Variants in TCF12 observed in about 807,000 individuals in gnomAD.
The protein encoded by TCF12 is transcription factor 12.
A neutral mutation model predicts 86.0 loss-of-function variants in TCF12; 45 were observed. The observed-to-expected ratio is 0.52, with a 90% CI of 0.41 to 0.67. TCF12 has a LOEUF of 0.67. TCF12 is among the 30% of genes least tolerant of loss of function. TCF12 has a pLI of 0.00. For missense variants in TCF12, 881 were observed against 859.9 expected (o/e 1.02, Z -0.31); for synonymous variants, 330 against 299.6 (o/e 1.10, Z -1.05).
At chr15:57,092,332 T>C (rs1442783241) in intron 5 of TCF12, among the ~76,000 whole-genome samples, 1 of 152,212 alleles carries the variant, frequency 6.6e-6, no homozygotes, top group Non-Finnish European at 1.5e-5. Context: ...GATTAAAACA[T>C]AGTATATTTA....
At chr15:57,216,600 G>A (rs1333364671) in intron 8 of TCF12, among the ~76,000 whole-genome samples, 1 of 148,016 alleles carries the variant, frequency 6.8e-6, no homozygotes, top group Non-Finnish European at 1.5e-5. Flanking sequence ...TTAAACAACT[G>A]CATTTACTAA....
chr15:56,965,470 T>A (rs1167792257), intron 3 of TCF12, among the ~76,000 whole-genome samples: 1 of 152,220 alleles, frequency 6.6e-6, no homozygotes, highest in African/African-American at 2.4e-5. Flanking sequence ...GATTTTTCTT[T>A]CCACAATCTG....
intron 3 of TCF12, among the ~76,000 whole-genome samples, chr15:56,940,725 C>T (rs1212066972): frequency 8.9e-6 from 1 of 112,038 alleles, no homozygotes; most frequent in Non-Finnish European, 1.8e-5. Context: ...TTCCTATCCC[C>T]TTCTCTCCCC....
chr15:57,212,434 C>T (rs1390154039), intron 8 of TCF12, among the ~76,000 whole-genome samples: 1 of 152,022 alleles, frequency 6.6e-6, no homozygotes, highest in Admixed American at 6.6e-5. Context: ...CAGGTGCACA[C>T]CACCCAGTGA....
At chr15:57,004,609 T>C (rs1432665170) in intron 3 of TCF12, among the ~76,000 whole-genome samples, 1 of 152,020 alleles carries the variant, frequency 6.6e-6, no homozygotes, top group Non-Finnish European at 1.5e-5. Context: ...CGGGGTTTCA[T>C]TGTGTTAGCC....
At chr15:56,961,249 T>A (rs757809795) in intron 3 of TCF12, among the ~76,000 whole-genome samples, 8 of 152,200 alleles carry the variant, frequency 5.3e-5, no homozygotes, top group Non-Finnish European at 1.0e-4. Context: ...GCTCCATACA[T>A]CTGATAGATG....
At position 57,273,781 on chromosome 15, in the gene TCF12, C is replaced by T. The variant is rs1323087275; in HGVS notation, c.1978+519C>T. ...CAGGGCTTCTTTGTTGACCCCAGAC[C>T]AGGAACACCAAGAACTTTTTGGGCT... is the stretch of plus-strand genomic sequence containing the variant. On this transcript the variant is annotated intron_variant, in intron 19 of 20. Coordinates refer to ENST00000333725, the MANE Select transcript of TCF12 (RefSeq NM_207037.2). Among the ~76,000 whole-genome samples, 3 of 152,114 alleles carry T rather than the reference C, an allele frequency of 2.0e-5. No homozygotes were observed. The East Asian group carries it at 5.8e-4, about 29-fold the overall frequency.
intron 5 of TCF12, among the ~76,000 whole-genome samples, chr15:57,102,785 G>T (rs2049851001): frequency 6.6e-6 from 1 of 152,040 alleles, no homozygotes; most frequent in African/African-American, 2.4e-5. Context: ...TTGTTTTTCT[G>T]TTGTTTTGTT....
chr15:56,984,361 A>G (rs1368376198), intron 3 of TCF12, among the ~76,000 whole-genome samples: 1 of 150,082 alleles, frequency 6.7e-6, no homozygotes, highest in East Asian at 2.0e-4. Flanking sequence ...GCCTGTTAGC[A>G]TTGTTTCATC....
chr15:57,074,786 A>G (rs1177906392), intron 4 of TCF12, among the ~76,000 whole-genome samples: 1 of 152,220 alleles, frequency 6.6e-6, no homozygotes, highest in Non-Finnish European at 1.5e-5. Context: ...TATTCTTATA[A>G]CAGATTGCAG....
At chr15:57,154,897 A>C (rs1203808109) in intron 5 of TCF12, among the ~76,000 whole-genome samples, 1 of 152,198 alleles carries the variant, frequency 6.6e-6, no homozygotes, top group Non-Finnish European at 1.5e-5. Flanking sequence ...TGTATTTTCT[A>C]GTCAGTACAT....
At chr15:57,270,786 TTCTG>T (rs1373598574) in intron 18 of TCF12, among the ~76,000 whole-genome samples, 14 of 152,204 alleles carry the variant, frequency 9.2e-5, no homozygotes, top group African/African-American at 1.4e-4. Flanking sequence ...TGCTATTCCT[TTCTG>T]TCTGTTAGTT....
At chr15:57,073,874 G>A (rs991853133) in intron 4 of TCF12, among the ~76,000 whole-genome samples, 25 of 151,962 alleles carry the variant, frequency 1.6e-4, no homozygotes, top group African/African-American at 2.4e-4. Context: ...TCAGCCTCCC[G>A]AGTAGCTGGG....
intron 12 of TCF12, among the ~76,000 whole-genome samples, chr15:57,237,743 T>C (rs1485890694): frequency 6.6e-6 from 1 of 152,224 alleles, no homozygotes; most frequent in Non-Finnish European, 1.5e-5. Context: ...AAGAAACATA[T>C]TCCTGATTTA....
chr15:56,981,032 C>T (rs773379342), intron 3 of TCF12, among the ~76,000 whole-genome samples: 19 of 152,158 alleles, frequency 1.2e-4, no homozygotes, highest in Non-Finnish European at 2.2e-4. Context: ...CATATTTCTG[C>T]ATTTTCAATA....
intron 3 of TCF12, among the ~76,000 whole-genome samples, chr15:56,993,327 A>G (rs1322630033): frequency 4.6e-5 from 7 of 152,198 alleles, no homozygotes; most frequent in African/African-American, 7.2e-5. Flanking sequence ...GCAGGAGCCC[A>G]TGGTCAAAAC....
intron 3 of TCF12, among the ~76,000 whole-genome samples, chr15:56,926,694 T>C (rs1023789514): frequency 1.3e-5 from 2 of 151,260 alleles, no homozygotes; most frequent in East Asian, 3.8e-4. Flanking sequence ...ATTTACATAT[T>C]ATTATCTGGA....
At chr15:57,023,743 C>A (rs560187405) in intron 3 of TCF12, among the ~76,000 whole-genome samples, 1 of 152,090 alleles carries the variant, frequency 6.6e-6, no homozygotes, top group East Asian at 1.9e-4. Context: ...GAATTTATTT[C>A]TTTGCAAATA....
At chr15:57,190,679 G>A (rs11071309) in intron 6 of TCF12, among the ~76,000 whole-genome samples, 2 of 151,828 alleles carry the variant, frequency 1.3e-5, no homozygotes, top group African/African-American at 4.8e-5. Flanking sequence ...TTGTGAGAGG[G>A]TTACTGCATT....
Sources: allele counts gnomAD v4.1 joint callset (sites outside exome capture counted in the v4.1 genomes callset), GRCh38; gene constraint gnomAD v4.1.1; transcripts MANE v1.5; gene names NCBI Gene and HGNC (gene_info 2026-07-23, HGNC 2026-07-21).